The following SSBP2 variants were observed in gnomAD, a reference collection of about 807,000 sequenced individuals.
SSBP2 encodes the protein single-stranded DNA-binding protein 2.
In SSBP2, 17 loss-of-function variants were observed where a neutral mutation model predicts 61.8. The ratio of observed to expected loss-of-function variants is 0.28; its 90% CI spans 0.19 to 0.41. The LOEUF (loss-of-function observed/expected upper bound fraction) is 0.41, where lower values mean the gene tolerates loss of function less well. Ranked by LOEUF, SSBP2 falls within the 10% of genes least tolerant of loss-of-function variation. The pLI, the probability that SSBP2 is intolerant of heterozygous loss-of-function variation, is 1.00. For missense variants in SSBP2, 310 were observed against 458.7 expected, an observed-to-expected ratio of 0.68 and a Z score of 2.96; for synonymous variants, 139 against 141.3, an observed-to-expected ratio of 0.98 and a Z score of 0.12.
intron 4 of SSBP2, among the ~76,000 whole-genome samples, chr5:81,556,027 G>A (rs1044889312): frequency 6.6e-6 from 1 of 152,076 alleles, no homozygotes; most frequent in East Asian, 1.9e-4. Context: ...ACAGACGTAC[G>A]TCAAGAATGG....
intron 3 of SSBP2, among the ~76,000 whole-genome samples, chr5:81,622,450 G>C (rs1746688657): frequency 6.6e-6 from 1 of 152,210 alleles, no homozygotes; most frequent in Non-Finnish European, 1.5e-5. Flanking sequence ...ACATATCTGA[G>C]ACAGAGCCAG....
chr5:81,491,974 A>G (rs1262348852), intron 5 of SSBP2, among the ~76,000 whole-genome samples: 1 of 152,208 alleles, frequency 6.6e-6, no homozygotes, highest in Non-Finnish European at 1.5e-5. Flanking sequence ...TAGACACAGC[A>G]ACAGAATCTA....
intron 1 of SSBP2, among the ~76,000 whole-genome samples, chr5:81,674,339 A>G (rs1751801690): frequency 6.6e-6 from 1 of 152,160 alleles, no homozygotes; most frequent in African/African-American, 2.4e-5. Context: ...CTCAAATATT[A>G]AGAAGATAAA....
chr5:81,599,305 G>A (rs1051323534), intron 4 of SSBP2, among the ~76,000 whole-genome samples: 1 of 152,186 alleles, frequency 6.6e-6, no homozygotes, highest in African/African-American at 2.4e-5. Context: ...AGGCTCTTCA[G>A]CTCTGAAAAG....
At chr5:81,535,708 A>G (rs1462282072) in intron 4 of SSBP2, among the ~76,000 whole-genome samples, 1 of 152,116 alleles carries the variant, frequency 6.6e-6, no homozygotes, top group Non-Finnish European at 1.5e-5. Flanking sequence ...ATCCACATGC[A>G]AAAAGAGAAA....
At chr5:81,685,082 C>A (rs1561690175) in intron 1 of SSBP2, among the ~76,000 whole-genome samples, 1 of 152,088 alleles carries the variant, frequency 6.6e-6, no homozygotes, top group Non-Finnish European at 1.5e-5. Flanking sequence ...CTTCCCCCTT[C>A]ACTCGCTCTC....
At chr5:81,740,974 C>T (rs1756979779) in intron 1 of SSBP2, among the ~76,000 whole-genome samples, 1 of 152,182 alleles carries the variant, frequency 6.6e-6, no homozygotes, top group Admixed American at 6.5e-5. Flanking sequence ...CATTCCCCTC[C>T]CATCCTCATG....
At chr5:81,558,849 A>G (rs1051666594) in intron 4 of SSBP2, among the ~76,000 whole-genome samples, 3 of 152,240 alleles carry the variant, frequency 2.0e-5, no homozygotes, top group African/African-American at 7.2e-5. Context: ...TATATTTACT[A>G]TGGCTTGTCA....
intron 8 of SSBP2, among the ~76,000 whole-genome samples, chr5:81,470,851 T>A (rs891081761): frequency 6.6e-6 from 1 of 151,906 alleles, no homozygotes; most frequent in African/African-American, 2.4e-5. Context: ...CTAACCATTA[T>A]CACAAATTTC....
chr5:81,751,383 T>G, upstream of SSBP2: 1 of 439,864 alleles, frequency 2.3e-6, no homozygotes, highest in Non-Finnish European at 4.2e-6. Context: ...AGGGGGGAAT[T>G]AGAAACTGCT....
At chr5:81,531,396 A>G (rs879474628) in intron 4 of SSBP2, among the ~76,000 whole-genome samples, 2 of 152,122 alleles carry the variant, frequency 1.3e-5, no homozygotes, top group Non-Finnish European at 2.9e-5. Flanking sequence ...CTGGCAGAAT[A>G]TAAATAAATA....
chr5:81,636,182 G>A (rs895024610), intron 3 of SSBP2, among the ~76,000 whole-genome samples: 1 of 152,172 alleles, frequency 6.6e-6, no homozygotes, highest in African/African-American at 2.4e-5. Context: ...AAGTCAGGAA[G>A]ACAGCCCTCA....
chr5:81,727,166 A>G (rs181252743), intron 1 of SSBP2, among the ~76,000 whole-genome samples: 1 of 152,342 alleles, frequency 6.6e-6, no homozygotes, highest in Non-Finnish European at 1.5e-5. Flanking sequence ...CTTTGGGCAA[A>G]TATCAACAAA....
At chr5:81,479,197 T>C (rs532113734) in intron 6 of SSBP2, among the ~76,000 whole-genome samples, 3 of 152,330 alleles carry the variant, frequency 2.0e-5, no homozygotes, top group East Asian at 3.9e-4. Context: ...GAAAAATGTA[T>C]ACATCTGTGA....
chr5:81,510,303 T>G (rs757089920), intron 5 of SSBP2, among the ~76,000 whole-genome samples: 8 of 152,152 alleles, frequency 5.3e-5, no homozygotes, highest in Non-Finnish European at 1.0e-4. Context: ...TTCTCTAGCT[T>G]AGAAAATGGT....
intron 1 of SSBP2, among the ~76,000 whole-genome samples, chr5:81,684,644 T>A (rs1752634967): frequency 6.6e-6 from 1 of 152,102 alleles, no homozygotes; most frequent in African/African-American, 2.4e-5. Flanking sequence ...ATAGTCCTTT[T>A]GTTTTAGCCA....
chr5:81,641,186 T>C (rs889969502), intron 2 of SSBP2, among the ~76,000 whole-genome samples: 2 of 152,030 alleles, frequency 1.3e-5, no homozygotes, highest in East Asian at 3.9e-4. Context: ...CCTCCCCTCA[T>C]GCACTTCCAC....
At chr5:81,689,962 G>C (rs1753086151) in intron 1 of SSBP2, among the ~76,000 whole-genome samples, 1 of 152,032 alleles carries the variant, frequency 6.6e-6, no homozygotes, top group South Asian at 2.1e-4. Context: ...TGGGGATGAA[G>C]TAAATGTAGA....
At chr5:81,631,300 G>A (rs758236073) in intron 3 of SSBP2, among the ~76,000 whole-genome samples, 3 of 152,112 alleles carry the variant, frequency 2.0e-5, no homozygotes, top group Non-Finnish European at 4.4e-5. Context: ...ACTCACCATA[G>A]GACTTCTAGT....
Sources: gnomAD v4.1 joint callset for allele counts (sites outside exome capture counted in the v4.1 genomes callset) on GRCh38, gnomAD v4.1.1 for gene constraint, MANE v1.5 for transcripts, NCBI Gene and HGNC (gene_info 2026-07-23, HGNC 2026-07-21) for gene names.